RANBP9: variants seen among roughly 807,000 people sequenced by gnomAD.
The protein encoded by RANBP9 is RAN binding protein 9, also known as ran-binding protein 9.
RANBP9 carries 15 observed loss-of-function variants against 84.3 expected under a neutral mutation model. That is an observed-to-expected ratio of 0.18 (90% CI 0.12 to 0.27). The LOEUF (loss-of-function observed/expected upper bound fraction) is 0.27. Among genes scored for constraint, RANBP9 ranks in the 10% least tolerant of loss-of-function variants. The probability of loss-of-function intolerance (pLI) is 1.00; values close to 1 mark genes in which losing one functional copy is unlikely to be tolerated. For synonymous variants in RANBP9, 392 were observed against 349.6 expected (o/e 1.12, Z -1.35); for missense variants, 809 against 912.8 (o/e 0.89, Z 1.46).
rs746351666 is a variant in RANBP9 at position 13,652,649 on chromosome 6, A to T, written c.927+10T>A. 2.5e-6 allele frequency: 4 copies of T among 1,579,750 alleles called. No homozygotes were observed. The highest frequency in any genetic ancestry group is 2.6e-6 in the Non-Finnish European group (3 of 1,157,344). On this transcript the variant is annotated intron_variant, in intron 5 of 13. Coordinates refer to ENST00000011619, the MANE Select transcript of RANBP9 (RefSeq NM_005493.3). ...TAAAAATGGAAAACTGCTTTTAAAA[A>T]AAGTCTTACCGGTAGGTCAGTGAAA...
intron 5 of RANBP9, among the ~76,000 whole-genome samples, chr6:13,648,141 G>GTTTTTTTTTTTTTTTTTTT: frequency 1.2e-5 from 1 of 80,646 alleles, no homozygotes; most frequent in Non-Finnish European, 2.4e-5. Flanking sequence ...TATATGACTG[G>GTTTTTTTTTTTTTTTTTTT]TTTTTTTTTT....
rs142216820 is a variant in RANBP9 at position 13,644,550 on chromosome 6, T to C, written c.1107A>G (p.Ile369Met). 98 of 1,610,422 alleles carry C rather than the reference T, an allele frequency of 6.1e-5. No individual in the cohort carries two copies. Among genetic ancestry groups the C allele is most frequent in the Non-Finnish European group, 8.1e-5 (95 of 1,178,606 alleles). ...GDREGEWQTM[I>M]QKMVSSYLVH... The stretch of plus-strand genomic sequence containing the variant: ...TGAAATTTCTTCACTCTTACTTTTG[T>C]ATCATGGTCTGCCATTCTCCTTCTC... Residue 369 changes from isoleucine to methionine, a missense_variant, in exon 6 of 14, where the codon ATA becomes ATG. Around this residue, in one of 5 missense-constraint regions of RANBP9, gnomAD observed 216 missense variants for 329.0 expected, o/e 0.66. Coordinates refer to ENST00000011619, the MANE Select transcript of RANBP9 (RefSeq NM_005493.3).
intron 11 of RANBP9, among the ~76,000 whole-genome samples, chr6:13,633,172 T>C (rs1046927362): frequency 6.6e-6 from 1 of 152,044 alleles, no homozygotes; most frequent in Non-Finnish European, 1.5e-5. Context: ...GTAGCTGGGA[T>C]TACAGGCACG....
Position 13,658,240 on chromosome 6 carries a change from T to C in RANBP9, c.736+540A>G, listed in dbSNP as rs906489516. 3.3e-5 allele frequency among the ~76,000 whole-genome samples: 5 copies of C among 151,956 alleles called. No homozygotes were observed. The East Asian group carries it at 9.6e-4, about 29-fold the overall frequency. Reference sequence around the variant, plus strand: ...ATTACTATGTACTAAAACTTAAAAATATAAAAATACAAAAAAAAGCATGAT... The same window carrying C: ...ATTACTATGTACTAAAACTTAAAAACATAAAAATACAAAAAAAAGCATGAT... On this transcript the variant is annotated intron_variant, in intron 3 of 13. Transcript: ENST00000011619.
At chr6:13,663,017 T>C (rs1164319485) in intron 2 of RANBP9, among the ~76,000 whole-genome samples, 7 of 151,860 alleles carry the variant, frequency 4.6e-5, no homozygotes, top group African/African-American at 1.5e-4. Context: ...AGAAAAGAAA[T>C]TGAAAATAAT....
In RANBP9 at chr6:13,657,836, T is replaced by C. The variant is rs559415640; in HGVS notation, c.737-560A>G. On this transcript the variant is annotated intron_variant, in intron 3 of 13. Coordinates refer to ENST00000011619, the MANE Select transcript of RANBP9 (RefSeq NM_005493.3). ...CCTCAATTAAACCCTCTTTCAAGTA[T>C]AATTTTAAGCAAAAGGGTACAAAAC... Among the ~76,000 whole-genome samples, 19 of 152,330 alleles carry C rather than the reference T, an allele frequency of 1.2e-4. No homozygotes were observed. The South Asian group carries it at 1.9e-3, about 15-fold the overall frequency.
intron 13 of RANBP9, among the ~76,000 whole-genome samples, chr6:13,624,526 A>AC (rs796763702): frequency 8.3e-4 from 127 of 152,302 alleles, no homozygotes; most frequent in African/African-American, 2.9e-3. Context: ...TATATAAATT[A>AC]CCTTTGATGA....
intron 6 of RANBP9, among the ~76,000 whole-genome samples, chr6:13,643,426 G>A (rs912761033): frequency 1.1e-4 from 17 of 152,142 alleles, no homozygotes; most frequent in Admixed American, 9.8e-4. Context: ...TTAGAAAATC[G>A]TGGGAAGCAG....
At chr6:13,681,550 T>C (rs1188988939) in intron 2 of RANBP9, among the ~76,000 whole-genome samples, 3 of 151,880 alleles carry the variant, frequency 2.0e-5, no homozygotes, top group Non-Finnish European at 4.4e-5. Context: ...AGTATAAATG[T>C]ACCTCTCTCA....
intron 2 of RANBP9, among the ~76,000 whole-genome samples, chr6:13,692,658 C>G (rs1766354786): frequency 6.6e-6 from 1 of 151,948 alleles, no homozygotes; most frequent in Admixed American, 6.6e-5. Flanking sequence ...TTGACACCAG[C>G]CTGGGCAACA....
chr6:13,644,401 C>T (rs1171153771), intron 6 of RANBP9, 144 bp downstream of exon 6: 24 of 752,164 alleles, frequency 3.2e-5, no homozygotes, highest in Non-Finnish European at 4.5e-5. Flanking sequence ...AATTACTTTT[C>T]GTTGAGAGAT....
rs559467488 is a variant in RANBP9, at chr6:13,652,735, C to G, written c.905-54G>C. 2,106 of 1,420,636 alleles carry G rather than the reference C, an allele frequency of 1.5e-3. 5 individuals are homozygous for G. The highest frequency in any genetic ancestry group is 1.8e-3 in the Non-Finnish European group (1,831 of 1,035,138). The allele number at this position is 1,420,636 out of a possible 1,614,324, so 88.0% of individuals were successfully genotyped here. On this transcript the variant is annotated intron_variant, in intron 4 of 13. Transcript: ENST00000011619. ...AAGCTGTTTTTCAAAGCAGACTATA[C>G]TGACAAGCTGAATTTCTAACTAAAA...
intron 2 of RANBP9, among the ~76,000 whole-genome samples, chr6:13,686,116 GCCCCC>G (rs869094962): frequency 3.3e-3 from 7 of 2,110 alleles, no homozygotes; most frequent in African/African-American, 7.6e-3. Context: ...CCCCCCCCCC[GCCCCC>G]CGAAATAGAG....
At chr6:13,646,647 A>C (rs1765181184) in intron 5 of RANBP9, among the ~76,000 whole-genome samples, 1 of 152,184 alleles carries the variant, frequency 6.6e-6, no homozygotes, top group Non-Finnish European at 1.5e-5. Flanking sequence ...AACACTATCA[A>C]AGACAATCAA....
rs551241561 is a variant in RANBP9 at position 13,685,656 on chromosome 6, G to A, written c.683+11129C>T. 7.9e-5 allele frequency among the ~76,000 whole-genome samples: 12 copies of A among 152,210 alleles called. 1 individual carries two copies. In the East Asian group the frequency reaches 2.1e-3, roughly 27 times the overall value. ...GTATAAAGAGGATACCAGGCCGGGC[G>A]CGGTGGCTCACACCTGTAATCCCAA... On this transcript the variant is annotated intron_variant, in intron 2 of 13. Coordinates refer to ENST00000011619, the MANE Select transcript of RANBP9 (RefSeq NM_005493.3).
intron 2 of RANBP9, among the ~76,000 whole-genome samples, chr6:13,676,962 G>A (rs1037788792): frequency 5.3e-5 from 8 of 152,092 alleles, no homozygotes; most frequent in Non-Finnish European, 1.0e-4. Flanking sequence ...AAAGGCAGAG[G>A]TATTTCCTTT....
rs188956001 is a variant in RANBP9, at chr6:13,621,800, G to A, written c.*562C>T. ...CTACTGGGACTAACAGGTCGGGATT[G>A]TAAGTAGCAACAAACATATTCACTC... is the stretch of plus-strand genomic sequence containing the variant. On this transcript the variant is annotated 3_prime_UTR_variant, in exon 14 of 14. Coordinates refer to ENST00000011619, the MANE Select transcript of RANBP9 (RefSeq NM_005493.3). The A allele has an allele frequency of 6.6e-6, 1 of 152,646 alleles. No individual in the cohort carries two copies. The highest frequency in any genetic ancestry group is 2.4e-5 in the African/African-American group (1 of 41,458). The allele number at this position is 152,646 out of a possible 1,614,324, so 9.5% of individuals were successfully genotyped here. A position where few individuals can be genotyped will look rare whatever the true frequency, so the allele number is the denominator to read the frequency against.
Position 13,632,252 on chromosome 6 carries a change from G to A in RANBP9, c.1947+118C>T, listed in dbSNP as rs1202156741. On this transcript the variant is annotated intron_variant, in intron 12 of 13. Coordinates refer to ENST00000011619, the MANE Select transcript of RANBP9 (RefSeq NM_005493.3). The stretch of plus-strand genomic sequence containing the variant: ...ACTCTCAGATGGGCAAGGAGCCAGG[G>A]GGAAGGTCAGGTCCCAGTTCCCTAA... 5 of 866,758 alleles carry A rather than the reference G, an allele frequency of 5.8e-6. No homozygotes were observed. The African/African-American group carries it at 7.1e-5, about 12-fold the overall frequency. The allele number at this position is 866,758 out of a possible 1,614,324, so 53.7% of individuals were successfully genotyped here.
intron 2 of RANBP9, among the ~76,000 whole-genome samples, chr6:13,664,790 T>C (rs888774665): frequency 6.6e-6 from 1 of 152,124 alleles, no homozygotes; most frequent in Non-Finnish European, 1.5e-5. Flanking sequence ...AAAATGTATA[T>C]GGAAATGTGA....
Sources: allele counts gnomAD v4.1 joint callset (sites outside exome capture counted in the v4.1 genomes callset), GRCh38; gene constraint gnomAD v4.1.1; regional missense constraint gnomAD v4.1.1; transcripts MANE v1.5; gene names NCBI Gene and HGNC (gene_info 2026-07-23, HGNC 2026-07-21).